Variants in FASTKD3 observed in about 807,000 individuals in gnomAD.
The protein encoded by FASTKD3 is FAST kinase domains 3, also known as FAST kinase domain-containing protein 3, mitochondrial.
A neutral mutation model predicts 49.7 loss-of-function variants in FASTKD3; 47 were observed. The ratio of observed to expected loss-of-function variants is 0.95; its 90% CI spans 0.75 to 1.21. The LOEUF (loss-of-function observed/expected upper bound fraction) is 1.21. FASTKD3 is among the 50% of genes most tolerant of loss of function. The probability of loss-of-function intolerance (pLI) is 0.00; values close to 1 mark genes in which losing one functional copy is unlikely to be tolerated. For missense variants in FASTKD3, 748 were observed against 765.7 expected (o/e 0.98, Z 0.27); for synonymous variants, 284 against 288.6 (o/e 0.98, Z 0.16).
At chr5:7,866,403 A>C (rs1746951631) in intron 2 of FASTKD3, among the ~76,000 whole-genome samples, 1 of 152,154 alleles carries the variant, frequency 6.6e-6, no homozygotes, top group Non-Finnish European at 1.5e-5. Context: ...ATATCTCCTA[A>C]GAATGCTGCA....
Position 7,867,485 on chromosome 5 carries a change from AG to A in FASTKD3, c.598del (p.Leu200TrpfsTer26). The A allele has an allele frequency of 6.2e-7, 1 of 1,614,266 alleles. No individual in the cohort carries two copies. Among genetic ancestry groups the A allele is most frequent in the Non-Finnish European group, 8.5e-7 (1 of 1,180,052 alleles). On this transcript the variant is annotated frameshift_variant, in exon 2 of 7. Coordinates refer to ENST00000264669, the MANE Select transcript of FASTKD3 (RefSeq NM_024091.4). LOFTEE classifies it high-confidence loss of function. ...VDPQSSLLLN[L>X]VAECQNRLRK... Reference sequence around the variant, plus strand: ...GAGACGATTTTGGCATTCTGCCACCAGGTTCAGCAACAGGCTACTTTGAGGA... The same window carrying A: ...GAGACGATTTTGGCATTCTGCCACCAGTTCAGCAACAGGCTACTTTGAGGA...
In FASTKD3 at chr5:7,862,905, A is replaced by G. The variant is rs764621481; in HGVS notation, c.1617T>C (p.Tyr539=). ...ETPVDSQLYR[Y]VKIGLTNLLG... is the part of the protein sequence containing the mutation. Reference sequence around the variant, plus strand: ...AAAGGTTAGTCAGCCCAATCTTCACATATCTATAAAGCTGAGAATCCACAG... The same window carrying G: ...AAAGGTTAGTCAGCCCAATCTTCACGTATCTATAAAGCTGAGAATCCACAG... The change falls in exon 4 of 7, where the codon TAT becomes TAC. Residue 539 remains tyrosine, a synonymous_variant. Transcript: ENST00000264669. The G allele has an allele frequency of 8.7e-6, 14 of 1,614,136 alleles. No homozygotes were observed. In the South Asian group the frequency reaches 8.8e-5, roughly 10 times the overall value.
At position 7,867,088 on chromosome 5, in the gene FASTKD3, C is replaced by G; in HGVS notation, c.996G>C (p.Glu332Asp). Reference protein sequence around the residue: ...VVRHVPHFTNEELRRVLEAFI... With the variant: ...VVRHVPHFTNDELRRVLEAFI... ...ACGCCTCCAAGACTCTCCTAAGCTC[C>G]TCGTTAGTGAAATGTGGGACATGCC... Residue 332 changes from glutamate to aspartate, a missense_variant, in exon 2 of 7, where the codon GAG (glutamate) becomes GAC (aspartate). This residue lies in a region of FASTKD3 where 564 missense variants were observed against 562.8 expected (regional missense o/e 1.00). Transcript: ENST00000264669. The G allele has an allele frequency of 6.2e-7, 1 of 1,614,170 alleles. No individual in the cohort carries two copies.
intron 3 of FASTKD3, among the ~76,000 whole-genome samples, chr5:7,864,743 A>G (rs965590049): frequency 6.6e-6 from 1 of 152,182 alleles, no homozygotes; most frequent in Admixed American, 6.5e-5. Context: ...AACACACTGC[A>G]ATAGAAGTGG....
In FASTKD3 at chr5:7,867,294, G is replaced by C. The variant is rs1365567003; in HGVS notation, c.790C>G (p.Gln264Glu). The change falls in exon 2 of 7, where the codon CAG becomes GAG. Residue 264 changes from glutamine to glutamate, a missense_variant. Physicochemically the swap from Gln to Glu is conservative, Grantham distance 29. Coordinates refer to ENST00000264669, the MANE Select transcript of FASTKD3 (RefSeq NM_024091.4). ...TCATCCACTTTTTCAGTACATGCCTGCAAGATTCTATAAAGGGCCACAATA... is the reference window on the plus strand; with the variant it reads ...TCATCCACTTTTTCAGTACATGCCTCCAAGATTCTATAAAGGGCCACAATA... ...EDIVALYRIL[Q>E]ACTEKVDEHQ... The C allele has an allele frequency of 3.1e-6, 5 of 1,613,646 alleles. No individual in the cohort carries two copies. The highest frequency in any genetic ancestry group is 3.3e-5 in the Admixed American group (2 of 60,022).
intron 2 of FASTKD3, 68 bp downstream of exon 2, chr5:7,866,576 ATG>A (rs963930120): frequency 8.6e-7 from 1 of 1,163,740 alleles, no homozygotes; most frequent in Non-Finnish European, 1.2e-6. Context: ...TTGCCTTTAT[ATG>A]TGACTTGAAA....
rs767302611 is a variant in FASTKD3, at chr5:7,869,023, G to A, written c.-158C>T. The A allele has an allele frequency of 1.0e-5, 13 of 1,302,944 alleles. No individual in the cohort carries two copies. In the South Asian group the frequency reaches 1.4e-4, roughly 14 times the overall value. 80.7% of individuals were successfully genotyped at this position (1,302,944 alleles called of 1,614,324 possible). ...ACTCCGGGTGGTCGCGGAAGCGCCT[G>A]GGCGTCGTGGGCCTCCGTAGCAAAC... On this transcript the variant is annotated 5_prime_UTR_variant, in exon 1 of 7. Coordinates refer to ENST00000264669, the MANE Select transcript of FASTKD3 (RefSeq NM_024091.4).
chr5:7,860,720 T>C (rs898957412), intron 6 of FASTKD3, among the ~76,000 whole-genome samples: 2 of 152,222 alleles, frequency 1.3e-5, no homozygotes, highest in African/African-American at 2.4e-5. Context: ...ACCAAGCCAG[T>C]TGGGCCTTGA....
rs1747155649 is a variant in FASTKD3 at position 7,868,009 on chromosome 5, T to C, written c.75A>G (p.Leu25=). ...GAACATGATTTAGAGGTTTATTTTT[T>C]AAAGCAGCCAGAGCTCTATGCATCT... The part of the protein sequence containing the change: ...DFQMHRALAA[L]KNKPLNHVHK... The change falls in exon 2 of 7, where the codon TTA becomes TTG. Residue 25 remains leucine, a synonymous_variant. Coordinates refer to ENST00000264669, the MANE Select transcript of FASTKD3 (RefSeq NM_024091.4). The C allele has an allele frequency of 6.2e-7, 1 of 1,613,928 alleles. No individual in the cohort carries two copies. Among genetic ancestry groups the C allele is most frequent in the Non-Finnish European group, 8.5e-7 (1 of 1,180,028 alleles).
Position 7,866,854 on chromosome 5 carries a change from G to C in FASTKD3, c.1230C>G (p.Ala410=), listed in dbSNP as rs162030. The C allele has an allele frequency of 0.83, 1,341,882 of 1,613,906 alleles. 559,048 individuals carry two copies. The highest frequency in any genetic ancestry group is 0.9 in the African/African-American group (67,544 of 74,994). The change falls in exon 2 of 7, where the codon GCC becomes GCG. Residue 410 remains alanine (A), a synonymous_variant. Transcript: ENST00000264669. Reference sequence around the variant, plus strand: ...TGAGTTTCCCAAATGGTTCCATTAAGGCAGAAATCTGACGAGGTGAAAATT... The same window carrying C: ...TGAGTTTCCCAAATGGTTCCATTAACGCAGAAATCTGACGAGGTGAAAATT... ...TEKFSPRQIS[A]LMEPFGKLNY... is the part of the protein sequence containing the mutation.
chr5:7,861,415 TTAA>T, intron 5 of FASTKD3, 152 bp from the exon 6 acceptor site: 4 of 605,934 alleles, frequency 6.6e-6, no homozygotes, highest in Non-Finnish European at 8.0e-6. Flanking sequence ...CTTATTAATA[TTAA>T]TGTTTATAAA....
intron 4 of FASTKD3, 96 bp from the exon 5 acceptor site, chr5:7,861,748 CTTGCA>C: frequency 6.6e-7 from 1 of 1,507,040 alleles, no homozygotes; most frequent in Non-Finnish European, 8.9e-7. Context: ...TTCCTTCCAC[CTTGCA>C]TTGATCAATT....
intron 3 of FASTKD3, among the ~76,000 whole-genome samples, chr5:7,865,593 A>C (rs998333783): frequency 6.6e-6 from 1 of 152,224 alleles, no homozygotes; most frequent in South Asian, 2.1e-4. Context: ...TGGGAAACCT[A>C]GTAGTAAACC....
rs1352828554 is a variant in FASTKD3 at position 7,867,228 on chromosome 5, AT to A, written c.855del (p.Ser286GlnfsTer2). Reference sequence around the variant, plus strand: ...TTAGGACTCAGGTTGGAAACTATTGATAGGGAAAAGTTGTTTATCTTATTTA... The same window carrying A: ...TTAGGACTCAGGTTGGAAACTATTGAAGGGAAAAGTTGTTTATCTTATTTA... ...TFLNKINNFSLSIVSNLSPKL... is the reference protein window; with the variant it reads ...TFLNKINNFSXSIVSNLSPKL... On this transcript the variant is annotated frameshift_variant, in exon 2 of 7. Transcript: ENST00000264669. LOFTEE classifies it high-confidence loss of function. The A allele has an allele frequency of 3.1e-6, 5 of 1,614,090 alleles. No individual in the cohort carries two copies. The highest frequency in any genetic ancestry group is 4.2e-6 in the Non-Finnish European group (5 of 1,180,034).
At chr5:7,868,841 G>C in intron 1 of FASTKD3, 138 bp downstream of exon 1, 1 of 526,530 alleles carries the variant, frequency 1.9e-6, no homozygotes, top group Non-Finnish European at 3.4e-6. Context: ...GGGACCCGCG[G>C]GGCGAGCACC....
At chr5:7,868,652 A>C (rs906764731) in intron 1 of FASTKD3, among the ~76,000 whole-genome samples, 1 of 152,202 alleles carries the variant, frequency 6.6e-6, no homozygotes, top group Non-Finnish European at 1.5e-5. Flanking sequence ...GTGTTGAAGG[A>C]AAGGGTCTAC....
At position 7,866,755 on chromosome 5, in the gene FASTKD3, A is replaced by T; in HGVS notation, c.1329T>A (p.Phe443Leu). ...GAAGTTTCAATAATGATTTGGGTGG[A>T]AAATAATTGAAATGAGTGAATAGCA... ...ENVLFTHFNY[F>L]PPKSLLKLLH... The change falls in exon 2 of 7, where the codon TTT becomes TTA. Residue 443 changes from phenylalanine (F) to leucine (L), a missense_variant. Physicochemically the swap from Phe to Leu is conservative, Grantham distance 22. Coordinates refer to ENST00000264669, the MANE Select transcript of FASTKD3 (RefSeq NM_024091.4). 6.2e-7 allele frequency: 1 copy of T among 1,614,130 alleles called. No individual in the cohort carries two copies. The highest frequency in any genetic ancestry group is 8.5e-7 in the Non-Finnish European group (1 of 1,179,996).
intron 3 of FASTKD3, 60 bp downstream of exon 3, chr5:7,865,838 G>T: frequency 1.6e-6 from 2 of 1,279,472 alleles, no homozygotes; most frequent in African/African-American, 1.5e-5. Flanking sequence ...AGAAGTAAAG[G>T]AACTTAAAAG....
chr5:7,863,119 CA>C (rs1746674772), intron 3 of FASTKD3, 122 bp from the exon 4 acceptor site: 2 of 822,098 alleles, frequency 2.4e-6, no homozygotes, highest in African/African-American at 3.5e-5. Flanking sequence ...GATACTTTTC[CA>C]GGAATTGGGA....
Sources: allele counts gnomAD v4.1 joint callset (sites outside exome capture counted in the v4.1 genomes callset), GRCh38; gene constraint gnomAD v4.1.1; regional missense constraint gnomAD v4.1.1; transcripts MANE v1.5; gene names NCBI Gene and HGNC (gene_info 2026-07-23, HGNC 2026-07-21).